Variants in WDR17 observed in about 807,000 individuals in gnomAD.
The protein encoded by WDR17 is WD repeat-containing protein 17.
A neutral mutation model predicts 161.7 loss-of-function variants in WDR17; 143 were observed. The ratio of observed to expected loss-of-function variants is 0.88; its 90% CI spans 0.77 to 1.02. The LOEUF is 1.02. Among genes scored for constraint, WDR17 ranks in the 50% least tolerant of loss-of-function variants. The pLI is 0.00. For synonymous variants in WDR17, 517 were observed against 515.6 expected (o/e 1.00, Z -0.04); for missense variants, 1,469 against 1,520.9 (o/e 0.97, Z 0.57).
At chr4:176,138,198 G>T (rs1320398704) in intron 9 of WDR17, among the ~76,000 whole-genome samples, 2 of 151,542 alleles carry the variant, frequency 1.3e-5, no homozygotes, top group Non-Finnish European at 3.0e-5. Context: ...AAAATATTAG[G>T]TATGAATCAG....
chr4:176,076,095 T>C (rs1413082003), intron 1 of WDR17, among the ~76,000 whole-genome samples: 1 of 151,864 alleles, frequency 6.6e-6, no homozygotes, highest in Non-Finnish European at 1.5e-5. Context: ...TTTCCACTTG[T>C]ACATAATATT....
At chr4:176,107,976 C>CCTTA (rs1739060314) in intron 1 of WDR17, among the ~76,000 whole-genome samples, 1 of 150,040 alleles carries the variant, frequency 6.7e-6, no homozygotes, top group African/African-American at 2.5e-5. Context: ...TTCCTTCCTT[C>CCTTA]CTTCTTTCTT....
chr4:176,136,058 T>G lies in WDR17; in HGVS notation c.1267+782T>G, dbSNP rs150092802. Among the ~76,000 whole-genome samples, 225 of 151,704 alleles carry G rather than the reference T, an allele frequency of 1.5e-3. 1 individual carries two copies. Among genetic ancestry groups the G allele is most frequent in the African/African-American group, 5.1e-3 (213 of 41,514 alleles). ...GAGAGTTTGGGAATCTCTGAGAAAT[T>G]TATGAATAATTTTTAGTGTGTGTGT... On this transcript the variant is annotated intron_variant, in intron 8 of 28. Transcript: ENST00000508596.
chr4:176,162,851 A>G (rs1174071233), intron 21 of WDR17, among the ~76,000 whole-genome samples: 2 of 152,074 alleles, frequency 1.3e-5, no homozygotes, highest in Non-Finnish European at 2.9e-5. Flanking sequence ...TGATATGGAG[A>G]TTGAAGGACA....
chr4:176,177,123 A>C lies in WDR17; in HGVS notation c.3515A>C (p.Asp1172Ala). 1.9e-6 allele frequency: 3 copies of C among 1,613,836 alleles called. No homozygotes were observed. The East Asian group carries it at 6.7e-5, about 36-fold the overall frequency. The change falls in exon 27 of 29, where the codon GAT becomes GCT. Residue 1172 changes from aspartate to alanine, a missense_variant. Asp to Ala is a moderately radical substitution (Grantham distance 126). Coordinates refer to ENST00000508596, the MANE Select transcript of WDR17 (RefSeq NM_181265.4). ...LKIEYLSEEL[D>A]AWRACTQSTN... ...ATTGAATATCTTTCTGAGGAATTGG[A>C]TGCATGGAGAGCTTGCACACAGTCC...
At chr4:176,131,951 A>C (rs1172262847) in intron 7 of WDR17, among the ~76,000 whole-genome samples, 1 of 152,090 alleles carries the variant, frequency 6.6e-6, no homozygotes, top group Non-Finnish European at 1.5e-5. Context: ...CAAAAGTCTT[A>C]ATGTCTACTT....
chr4:176,156,264 T>C (rs2126833685), intron 18 of WDR17, 121 bp downstream of exon 18: 2 of 912,462 alleles, frequency 2.2e-6, no homozygotes, highest in Non-Finnish European at 3.2e-6. Context: ...TAAATAACAA[T>C]TAAATTTTGT....
At chr4:176,147,052 A>C (rs1746297236) in intron 12 of WDR17, among the ~76,000 whole-genome samples, 1 of 152,006 alleles carries the variant, frequency 6.6e-6, no homozygotes, top group African/African-American at 2.4e-5. Context: ...TTTTTGGTAC[A>C]GACAGGGTTT....
chr4:176,177,317 A>G (rs1751587393), intron 27 of WDR17, among the ~76,000 whole-genome samples, 154 bp from the exon 28 acceptor site: 1 of 152,232 alleles, frequency 6.6e-6, no homozygotes, highest in African/African-American at 2.4e-5. Flanking sequence ...CTTTTCTGCC[A>G]TGTAGTCCTT....
intron 1 of WDR17, among the ~76,000 whole-genome samples, chr4:176,091,815 G>T (rs1219778744): frequency 3.9e-5 from 6 of 151,978 alleles, no homozygotes; most frequent in Non-Finnish European, 8.8e-5. Flanking sequence ...GAAATTCAAA[G>T]GTTCATTGAA....
intron 26 of WDR17, among the ~76,000 whole-genome samples, chr4:176,175,439 C>T (rs72706356): frequency 0.017 from 2,542 of 152,294 alleles, 37 homozygotes; most frequent in Middle Eastern, 0.068. Context: ...TTCACGGTGC[C>T]TTCCATAAAA....
intron 1 of WDR17, among the ~76,000 whole-genome samples, chr4:176,070,834 T>C (rs781686010): frequency 6.6e-6 from 1 of 152,136 alleles, no homozygotes; most frequent in Non-Finnish European, 1.5e-5. Context: ...GTTTTTGTTT[T>C]TGTTTTTTAA....
chr4:176,117,819 T>C (rs1740881238), intron 3 of WDR17, among the ~76,000 whole-genome samples: 2 of 152,180 alleles, frequency 1.3e-5, no homozygotes, highest in South Asian at 4.1e-4. Context: ...TTGAAAGCTT[T>C]GCTATTTTAT....
intron 1 of WDR17, among the ~76,000 whole-genome samples, chr4:176,101,264 A>G (rs1466344522): frequency 2.0e-5 from 3 of 152,102 alleles, no homozygotes; most frequent in African/African-American, 7.2e-5. Context: ...GGTACTGAGA[A>G]GCACTGGTCA....
At position 176,163,141 on chromosome 4, in the gene WDR17, CT is replaced by C. The variant is rs751113833; in HGVS notation, c.2851-11del. ...TCTATGCAACTGAAGAAATTATTTT[CT>C]TATTGAGCAAGCTTGCTATGGCATA... is the stretch of plus-strand genomic sequence containing the variant. On this transcript the variant is annotated splice_polypyrimidine_tract_variant and intron_variant, in intron 21 of 28. Coordinates refer to ENST00000508596, the MANE Select transcript of WDR17 (RefSeq NM_181265.4). 5.6e-6 allele frequency: 9 copies of C among 1,613,974 alleles called. No individual in the cohort carries two copies. The East Asian group carries it at 2.0e-4, about 36-fold the overall frequency.
At chr4:176,068,941 C>T (rs867520591) in intron 1 of WDR17, among the ~76,000 whole-genome samples, 16 of 152,212 alleles carry the variant, frequency 1.1e-4, no homozygotes, top group African/African-American at 3.6e-4. Flanking sequence ...GAAGGACTTG[C>T]AACTTTGGTA....
chr4:176,112,642 G>T (rs1228843640), intron 2 of WDR17, among the ~76,000 whole-genome samples: 7 of 152,142 alleles, frequency 4.6e-5, no homozygotes, highest in Admixed American at 2.0e-4. Context: ...TCGAATCTCA[G>T]CTCCTGTATG....
At chr4:176,139,799 C>G in intron 9 of WDR17, 93 bp from the exon 10 acceptor site, 1 of 1,047,830 alleles carries the variant, frequency 9.5e-7, no homozygotes, top group Non-Finnish European at 1.4e-6. Context: ...AAGCACATTC[C>G]TAACAGAAAA....
At chr4:176,135,901 A>C (rs1463587164) in intron 8 of WDR17, among the ~76,000 whole-genome samples, 1 of 151,674 alleles carries the variant, frequency 6.6e-6, no homozygotes, top group East Asian at 1.9e-4. Flanking sequence ...TATTTGGCTT[A>C]ATAGTAATAT....
Sources: allele counts gnomAD v4.1 joint callset (sites outside exome capture counted in the v4.1 genomes callset), GRCh38; gene constraint gnomAD v4.1.1; transcripts MANE v1.5; gene names NCBI Gene and HGNC (gene_info 2026-07-23, HGNC 2026-07-21).